XRN1: variants seen among roughly 807,000 people sequenced by gnomAD.
The protein encoded by XRN1 is strand-exchange protein 1 homolog.
In XRN1, 67 loss-of-function variants were observed where a neutral mutation model predicts 222.3. The observed-to-expected ratio is 0.30, with a 90% CI of 0.25 to 0.37. XRN1 has a LOEUF of 0.37. Ranked by LOEUF, XRN1 falls within the 10% of genes least tolerant of loss-of-function variation. The pLI is 1.00. For missense variants in XRN1, 1,707 were observed against 2,000.2 expected, an observed-to-expected ratio of 0.85 and a Z score of 2.80; for synonymous variants, 643 against 652.4, an observed-to-expected ratio of 0.99 and a Z score of 0.22.
At position 142,383,881 on chromosome 3, in the gene XRN1, A is replaced by AGAT. The variant is rs200775702; in HGVS notation, c.2503-471_2503-469dup. On this transcript the variant is annotated intron_variant, in intron 21 of 40. Transcript: ENST00000392981. The stretch of plus-strand genomic sequence containing the variant: ...AAATAAAATGCCTTTTACATTTATA[A>AGAT]GATTTAAGGCAAACATTTTTGAAGA... Among the ~76,000 whole-genome samples the AGAT allele has an allele frequency of 8.3e-3, 1,264 of 152,290 alleles. 18 individuals are homozygous for AGAT. The highest frequency in any genetic ancestry group is 0.028 in the African/African-American group (1,155 of 41,548).
rs1442525089 is a variant in XRN1, at chr3:142,397,338, A to C, written c.2330T>G (p.Ile777Ser). Residue 777 changes from isoleucine to serine, a missense_variant, in exon 20 of 41, where the codon ATT (isoleucine) becomes AGT (serine). By Grantham distance (142) the Ile-to-Ser change is moderately radical. Transcript: ENST00000392981. ...QSNWAKEVQGISEHYLRRKGI... is the reference protein window; with the variant it reads ...QSNWAKEVQGSSEHYLRRKGI... ...TTTTAACGATACTCACTGTTCTGAA[A>C]TTCCTTGTACTTCTTTTGCCCAGTT... 1 of 1,588,476 alleles carries C rather than the reference A, an allele frequency of 6.3e-7. No homozygotes were observed. The highest frequency in any genetic ancestry group is 1.4e-5 in the African/African-American group (1 of 74,008).
In XRN1 at chr3:142,413,182, C is replaced by T. The variant is rs115858481; in HGVS notation, c.1594-519G>A. Among the ~76,000 whole-genome samples, 898 of 152,256 alleles carry T rather than the reference C, an allele frequency of 5.9e-3. 4 individuals carry two copies. The highest frequency in any genetic ancestry group is 9.1e-3 in the Non-Finnish European group (618 of 68,018). ...ATCAAAGAGAAATAGTCCAATAACA[C>T]ATTTCTATGACTTTATAACGGAGGT... is the stretch of plus-strand genomic sequence containing the variant. On this transcript the variant is annotated intron_variant, in intron 14 of 40. Transcript: ENST00000392981.
At chr3:142,426,565 G>GT in intron 3 of XRN1, 179 bp downstream of exon 3, 1 of 567,796 alleles carries the variant, frequency 1.8e-6, no homozygotes, top group Non-Finnish European at 3.1e-6. Context: ...TACAGTTTTT[G>GT]TAGGAGTATT....
At chr3:142,332,837 A>T (rs890360515) in intron 35 of XRN1, 130 bp downstream of exon 35, 77 of 1,386,070 alleles carry the variant, frequency 5.6e-5, no homozygotes, top group Non-Finnish European at 6.7e-5. Flanking sequence ...TGGTTTCCTC[A>T]CAAGATGACA....
At chr3:142,352,394 T>C (rs1006467556) in intron 32 of XRN1, among the ~76,000 whole-genome samples, 6 of 152,216 alleles carry the variant, frequency 3.9e-5, no homozygotes, top group Non-Finnish European at 8.8e-5. Context: ...TAAAGAAAGC[T>C]TATAATAGCA....
chr3:142,363,546 A>G (rs2066718484), intron 29 of XRN1, among the ~76,000 whole-genome samples: 1 of 151,648 alleles, frequency 6.6e-6, no homozygotes, highest in Non-Finnish European at 1.5e-5. Context: ...TTCAGTGCAA[A>G]TTTTACTCTA....
intron 33 of XRN1, among the ~76,000 whole-genome samples, chr3:142,344,691 A>C (rs2107796781): frequency 1.3e-5 from 2 of 152,324 alleles, no homozygotes; most frequent in Middle Eastern, 3.4e-3. Flanking sequence ...AATAAATTTA[A>C]CAAAAAAGTG....
At chr3:142,407,282 G>T (rs1305632112) in intron 15 of XRN1, among the ~76,000 whole-genome samples, 1 of 152,174 alleles carries the variant, frequency 6.6e-6, no homozygotes, top group Non-Finnish European at 1.5e-5. Context: ...TGATAAGCAG[G>T]TGCTTTATCA....
At chr3:142,446,936 T>C (rs2070530840) in intron 1 of XRN1, among the ~76,000 whole-genome samples, 1 of 152,316 alleles carries the variant, frequency 6.6e-6, no homozygotes, top group Non-Finnish European at 1.5e-5. Flanking sequence ...CTATTTACAA[T>C]ACTACCCATC....
At chr3:142,345,695 C>A (rs924644706) in intron 33 of XRN1, among the ~76,000 whole-genome samples, 1 of 151,956 alleles carries the variant, frequency 6.6e-6, no homozygotes, top group Non-Finnish European at 1.5e-5. Context: ...AGAACTCTTA[C>A]AAACCAAGAA....
chr3:142,376,441 TC>T, intron 24 of XRN1, 37 bp downstream of exon 24: 1 of 1,412,154 alleles, frequency 7.1e-7, no homozygotes, highest in Non-Finnish European at 9.9e-7. Context: ...ATTTAATTTT[TC>T]TGCCACTTTA....
chr3:142,388,618 C>A (rs1041346119), intron 20 of XRN1, among the ~76,000 whole-genome samples: 2 of 152,022 alleles, frequency 1.3e-5, no homozygotes, highest in Non-Finnish European at 2.9e-5. Context: ...GGGCAGTGGC[C>A]GATGAAGGTT....
At chr3:142,396,278 A>G (rs1267726476) in intron 20 of XRN1, among the ~76,000 whole-genome samples, 3 of 152,210 alleles carry the variant, frequency 2.0e-5, no homozygotes, top group East Asian at 1.9e-4. Context: ...GTCTTGACTA[A>G]AATATTATCT....
At chr3:142,442,239 G>T (rs994107030) in intron 1 of XRN1, among the ~76,000 whole-genome samples, 1 of 152,216 alleles carries the variant, frequency 6.6e-6, no homozygotes, top group Non-Finnish European at 1.5e-5. Context: ...GAAGCCATTA[G>T]GAAATTATTA....
intron 2 of XRN1, among the ~76,000 whole-genome samples, chr3:142,428,220 C>T (rs2069345350): frequency 6.6e-6 from 1 of 151,818 alleles, no homozygotes; most frequent in Non-Finnish European, 1.5e-5. Flanking sequence ...TGGTGAAACC[C>T]CATCTCTGTT....
chr3:142,414,775 G>GTAA (rs1426647642), intron 13 of XRN1, among the ~76,000 whole-genome samples: 2 of 152,206 alleles, frequency 1.3e-5, no homozygotes, highest in Non-Finnish European at 2.9e-5. Flanking sequence ...GATTACAGGC[G>GTAA]TAAGCCACTG....
chr3:142,398,217 G>A (rs898045757), intron 19 of XRN1, among the ~76,000 whole-genome samples: 4 of 152,116 alleles, frequency 2.6e-5, no homozygotes, highest in Non-Finnish European at 2.9e-5. Flanking sequence ...CACTTGGGGC[G>A]ACAGAGCAAG....
chr3:142,330,043 T>C (rs1027292319), intron 36 of XRN1, among the ~76,000 whole-genome samples: 1 of 152,216 alleles, frequency 6.6e-6, no homozygotes, highest in Non-Finnish European at 1.5e-5. Flanking sequence ...TGATAAATTA[T>C]TAAGATAAAG....
intron 32 of XRN1, among the ~76,000 whole-genome samples, chr3:142,354,139 C>T (rs1489949048): frequency 2.0e-5 from 3 of 151,870 alleles, no homozygotes; most frequent in Non-Finnish European, 4.4e-5. Context: ...TGAATAGATG[C>T]TTTGTAAAAT....
Sources: allele counts gnomAD v4.1 joint callset (sites outside exome capture counted in the v4.1 genomes callset), GRCh38; gene constraint gnomAD v4.1.1; transcripts MANE v1.5; gene names NCBI Gene and HGNC (gene_info 2026-07-23, HGNC 2026-07-21).